KCNU1: variants seen among roughly 807,000 people sequenced by gnomAD.
The protein encoded by KCNU1 is potassium channel subfamily U member 1.
Under a neutral mutation model 126.8 loss-of-function variants are expected in KCNU1, and 93 were observed. The observed-to-expected ratio is 0.73, with a 90% CI of 0.62 to 0.87. The LOEUF is 0.87. KCNU1 is among the 40% of genes least tolerant of loss of function. The pLI, the probability that KCNU1 is intolerant of heterozygous loss-of-function variation, is 0.00. For missense variants in KCNU1, 1,330 were observed against 1,367.1 expected (o/e 0.97, Z 0.43); for synonymous variants, 523 against 494.2 (o/e 1.06, Z -0.77).
intron 19 of KCNU1, among the ~76,000 whole-genome samples, chr8:36,868,034 A>G (rs1805973703): frequency 6.6e-6 from 1 of 152,184 alleles, no homozygotes; most frequent in Non-Finnish European, 1.5e-5. Context: ...GCATGAATTA[A>G]AGAGCTTTAA....
intron 19 of KCNU1, among the ~76,000 whole-genome samples, chr8:36,877,643 T>G (rs942657179): frequency 6.6e-6 from 1 of 152,184 alleles, no homozygotes; most frequent in Non-Finnish European, 1.5e-5. Context: ...ATCAAGCTAC[T>G]GTCTTCTCTT....
chr8:36,849,219 A>AC (rs1186752262), intron 18 of KCNU1, among the ~76,000 whole-genome samples: 1 of 151,994 alleles, frequency 6.6e-6, no homozygotes, highest in African/African-American at 2.4e-5. Context: ...AAAACGAAAA[A>AC]CAAAAAAAAG....
intron 2 of KCNU1, 123 bp from the exon 3 acceptor site, chr8:36,803,904 G>A (rs934106318): frequency 4.2e-6 from 3 of 709,560 alleles, no homozygotes; most frequent in Non-Finnish European, 7.5e-6. Flanking sequence ...ACTAACATAA[G>A]TGAATATGTG....
At chr8:36,816,833 T>C (rs1803930727) in intron 9 of KCNU1, among the ~76,000 whole-genome samples, 1 of 152,076 alleles carries the variant, frequency 6.6e-6, no homozygotes, top group South Asian at 2.1e-4. Flanking sequence ...TAGATATTCG[T>C]AAATGTGGAA....
chr8:36,855,932 C>T (rs1051970781), intron 18 of KCNU1, among the ~76,000 whole-genome samples: 10 of 152,058 alleles, frequency 6.6e-5, no homozygotes, highest in Admixed American at 1.3e-4. Context: ...ACATTTTTCT[C>T]GTGCTGGTTT....
intron 2 of KCNU1, chr8:36,795,228 C>A (rs1441571832): frequency 6.6e-6 from 1 of 152,400 alleles, no homozygotes; most frequent in Non-Finnish European, 1.5e-5. Context: ...GGCAGACGGG[C>A]CTGGGCTCCT....
chr8:36,896,052 ATT>A, intron 19 of KCNU1, among the ~76,000 whole-genome samples: 1 of 152,180 alleles, frequency 6.6e-6, no homozygotes, highest in Non-Finnish European at 1.5e-5. Flanking sequence ...TTTGCAATTA[ATT>A]TTGATTATAG....
At chr8:36,867,430 AAC>A (rs527435924) in intron 19 of KCNU1, among the ~76,000 whole-genome samples, 5 of 152,166 alleles carry the variant, frequency 3.3e-5, no homozygotes, top group Non-Finnish European at 4.4e-5. Context: ...ATTTATCAAG[AAC>A]ACAGTCTTGG....
At chr8:36,800,516 T>C (rs1803265030) in intron 2 of KCNU1, among the ~76,000 whole-genome samples, 1 of 152,218 alleles carries the variant, frequency 6.6e-6, no homozygotes, top group Admixed American at 6.5e-5. Flanking sequence ...CTGTTGTCAC[T>C]AGCCAAGAGG....
chr8:36,818,147 T>C (rs1803989451), intron 10 of KCNU1, among the ~76,000 whole-genome samples: 1 of 152,224 alleles, frequency 6.6e-6, no homozygotes, highest in East Asian at 1.9e-4. Context: ...GATGCTGTTG[T>C]TGTTCTGTGC....
In KCNU1 at chr8:36,911,005, C is replaced by A. The variant is rs770288503; in HGVS notation, c.2407C>A (p.Pro803Thr). 10 of 1,613,632 alleles carry A rather than the reference C, an allele frequency of 6.2e-6. No individual in the cohort carries two copies. In the South Asian group the frequency reaches 8.8e-5, roughly 14 times the overall value. The change falls in exon 22 of 27, where the codon CCA (proline) becomes ACA (threonine). Residue 803 changes from proline (P) to threonine (T), a missense_variant. Physicochemically the swap from Pro to Thr is conservative, Grantham distance 38 (BLOSUM62 -1). This residue lies in a region of KCNU1 where 1,054 missense variants were observed against 1,053.9 expected (regional missense o/e 1.00). Coordinates refer to ENST00000399881, the MANE Select transcript of KCNU1 (RefSeq NM_001031836.3). ...CTCCATGTGTGCTGTCTTGTCCCCC[C>A]CACCCCAGCCATCAAGCAACCAGAC... is the stretch of plus-strand genomic sequence containing the variant. ...QCSMCAVLSP[P>T]PQPSSNQTLV... is the part of the protein sequence containing the mutation.
intron 2 of KCNU1, among the ~76,000 whole-genome samples, chr8:36,792,387 G>T (rs1802935127): frequency 6.6e-6 from 1 of 152,316 alleles, no homozygotes; most frequent in East Asian, 1.9e-4. Flanking sequence ...CGTGAAGCCA[G>T]TGGAGGTAAA....
intron 19 of KCNU1, among the ~76,000 whole-genome samples, chr8:36,900,274 C>T (rs1021345581): frequency 3.9e-5 from 6 of 152,194 alleles, no homozygotes; most frequent in Middle Eastern, 3.4e-3. Flanking sequence ...AGTTTCTTGG[C>T]GCTCACAGGA....
At chr8:36,860,169 C>T (rs1489939419) in intron 18 of KCNU1, among the ~76,000 whole-genome samples, 2 of 152,092 alleles carry the variant, frequency 1.3e-5, no homozygotes, top group African/African-American at 4.8e-5. Flanking sequence ...TCTCCGCCTT[C>T]GAGGTTCAAG....
intron 19 of KCNU1, among the ~76,000 whole-genome samples, chr8:36,897,340 C>T (rs1807236185): frequency 6.6e-6 from 1 of 151,848 alleles, no homozygotes. Flanking sequence ...TCTTTTTTCT[C>T]TCCCCCCATA....
chr8:36,915,899 G>A (rs950288967), intron 22 of KCNU1, among the ~76,000 whole-genome samples: 2 of 151,794 alleles, frequency 1.3e-5, no homozygotes, highest in African/African-American at 4.8e-5. Flanking sequence ...GTTCTATCAT[G>A]GAGTAGATAT....
Position 36,787,377 on chromosome 8 carries a change from T to A in KCNU1, c.267T>A (p.Asp89Glu). Reference protein sequence around the residue: ...RSLHFQGQFRDHIEMLLSAQT... With the variant: ...RSLHFQGQFREHIEMLLSAQT... ...TCCACTTCCAGGGACAATTTCGTGA[T>A]CATATAGAAATGTTGCTTTCAGCCC... Residue 89 changes from aspartate (D) to glutamate (E), a missense_variant, in exon 2 of 27, where the codon GAT (aspartate) becomes GAA (glutamate). Transcript: ENST00000399881. 2 of 1,612,686 alleles carry A rather than the reference T, an allele frequency of 1.2e-6. No individual in the cohort carries two copies. The highest frequency in any genetic ancestry group is 1.1e-5 in the South Asian group (1 of 90,828).
chr8:36,827,615 G>A (rs1236304765), intron 10 of KCNU1, among the ~76,000 whole-genome samples: 2 of 152,068 alleles, frequency 1.3e-5, no homozygotes, highest in Non-Finnish European at 2.9e-5. Context: ...TCTTCAGGAG[G>A]GAGTTGGCTG....
chr8:36,864,667 C>T lies in KCNU1; in HGVS notation c.2009+146C>T, dbSNP rs1805845790. The T allele has an allele frequency of 6.5e-6, 4 of 613,478 alleles. No individual in the cohort carries two copies. In the East Asian group the frequency reaches 1.1e-4, roughly 17 times the overall value. The allele number at this position is 613,478 out of a possible 1,614,324, so 38.0% of individuals were successfully genotyped here. On this transcript the variant is annotated intron_variant, in intron 19 of 26. Coordinates refer to ENST00000399881, the MANE Select transcript of KCNU1 (RefSeq NM_001031836.3). The stretch of plus-strand genomic sequence containing the variant: ...CCTCCCCAAAATGAGATCATCTCCA[C>T]CTTGCCCATATCATTAAGCTAATCA...
Sources: gnomAD v4.1 joint callset for allele counts (sites outside exome capture counted in the v4.1 genomes callset) on GRCh38, gnomAD v4.1.1 for gene constraint, gnomAD v4.1.1 regional missense constraint, MANE v1.5 for transcripts, NCBI Gene and HGNC (gene_info 2026-07-23, HGNC 2026-07-21) for gene names.